Variants in NRXN3 observed in about 807,000 individuals in gnomAD.
NRXN3 encodes the protein neurexin 3.
NRXN3 carries 32 observed loss-of-function variants against 137.6 expected under a neutral mutation model. The observed-to-expected ratio is 0.23, with a 90% CI of 0.18 to 0.31. The LOEUF is 0.31. NRXN3 is among the 10% of genes least tolerant of loss of function. The pLI is 1.00. For missense variants in NRXN3, 1,574 were observed against 2,062.5 expected (o/e 0.76, Z 4.59); for synonymous variants, 798 against 784.5 (o/e 1.02, Z -0.29).
At chr14:79,644,348 C>T (rs1281390894) in intron 16 of NRXN3, among the ~76,000 whole-genome samples, 2 of 135,462 alleles carry the variant, frequency 1.5e-5, no homozygotes, top group East Asian at 3.9e-4. Flanking sequence ...GCTTGAAAGC[C>T]AGATCTGTCC....
At chr14:79,470,931 A>AGG (rs1464509919) in intron 16 of NRXN3, among the ~76,000 whole-genome samples, 1 of 91,436 alleles carries the variant, frequency 1.1e-5, no homozygotes, top group Admixed American at 1.4e-4. Flanking sequence ...AGAGAGAGAG[A>AGG]GAGAGAGAAA....
intron 10 of NRXN3, among the ~76,000 whole-genome samples, chr14:78,829,377 T>A (rs1389388085): frequency 1.3e-5 from 2 of 152,154 alleles, no homozygotes; most frequent in Admixed American, 6.5e-5. Flanking sequence ...AATCACACTG[T>A]TTGAACCATA....
At chr14:78,811,726 A>G (rs1332168383) in intron 10 of NRXN3, among the ~76,000 whole-genome samples, 1 of 152,202 alleles carries the variant, frequency 6.6e-6, no homozygotes, top group Non-Finnish European at 1.5e-5. Context: ...TGACAAACTA[A>G]TAAAGCCCAA....
At chr14:79,563,403 A>G (rs962692618) in intron 16 of NRXN3, among the ~76,000 whole-genome samples, 1 of 152,138 alleles carries the variant, frequency 6.6e-6, no homozygotes, top group African/African-American at 2.4e-5. Flanking sequence ...TTGTTGGTGT[A>G]AAGAGCAAGA....
At chr14:79,610,007 T>C (rs898543228) in intron 16 of NRXN3, among the ~76,000 whole-genome samples, 2 of 152,014 alleles carry the variant, frequency 1.3e-5, no homozygotes, top group African/African-American at 2.4e-5. Flanking sequence ...AGATTACGGG[T>C]TGATGGGTGC....
intron 3 of NRXN3, among the ~76,000 whole-genome samples, chr14:78,287,067 A>G (rs1216401352): frequency 6.6e-6 from 1 of 152,232 alleles, no homozygotes; most frequent in Admixed American, 6.5e-5. Flanking sequence ...ATCCAGGCTC[A>G]CTAAACTAGG....
chr14:79,587,128 A>G (rs1168878631), intron 16 of NRXN3, among the ~76,000 whole-genome samples: 1 of 152,176 alleles, frequency 6.6e-6, no homozygotes, highest in Non-Finnish European at 1.5e-5. Flanking sequence ...TTTTAAAGCT[A>G]TCCTCACTAC....
chr14:79,372,073 A>G (rs1461900371), intron 15 of NRXN3, among the ~76,000 whole-genome samples: 1 of 152,130 alleles, frequency 6.6e-6, no homozygotes, highest in African/African-American at 2.4e-5. Flanking sequence ...CAAAGCATTT[A>G]TATCCACACA....
chr14:78,194,273 C>A (rs1385073182), intron 1 of NRXN3, among the ~76,000 whole-genome samples: 1 of 152,154 alleles, frequency 6.6e-6, no homozygotes, highest in Non-Finnish European at 1.5e-5. Flanking sequence ...TTGACATTTA[C>A]CATGGAGGCT....
chr14:79,411,283 C>T (rs1390251232), intron 15 of NRXN3, among the ~76,000 whole-genome samples: 2 of 152,066 alleles, frequency 1.3e-5, no homozygotes, highest in Non-Finnish European at 2.9e-5. Context: ...AATCTGGCAA[C>T]ACTAAGTTTG....
At chr14:79,286,535 AATAT>A (rs111827205) in intron 15 of NRXN3, among the ~76,000 whole-genome samples, 1,822 of 139,644 alleles carry the variant, frequency 0.013, 44 homozygotes, top group African/African-American at 0.045. Flanking sequence ...TTGAGAGAAT[AATAT>A]ATATATATAT....
intron 15 of NRXN3, among the ~76,000 whole-genome samples, chr14:79,256,191 TCACA>T (rs796426390): frequency 6.7e-6 from 1 of 150,318 alleles, no homozygotes; most frequent in Non-Finnish European, 1.5e-5. Context: ...TCTCTCTCTC[TCACA>T]CACACACACA....
At chr14:78,225,820 A>C (rs2064478417) in intron 1 of NRXN3, among the ~76,000 whole-genome samples, 1 of 151,990 alleles carries the variant, frequency 6.6e-6, no homozygotes, top group African/African-American at 2.4e-5. Context: ...AAAACCATTC[A>C]TTCTTTAATC....
chr14:79,515,066 T>G lies in NRXN3; in HGVS notation c.3444+47664T>G, dbSNP rs530271270. On this transcript the variant is annotated intron_variant, in intron 16 of 20. Transcript: ENST00000335750. ...GAGAGATACTATCTGTGGCAGAGCC[T>G]CAGAGGATTGAGGGAGTTAAATGTA... 2.0e-5 allele frequency among the ~76,000 whole-genome samples: 3 copies of G among 150,676 alleles called. No homozygotes were observed. The East Asian group carries it at 5.8e-4, about 29-fold the overall frequency.
At chr14:78,178,874 C>T (rs552046958) in intron 1 of NRXN3, among the ~76,000 whole-genome samples, 6 of 152,256 alleles carry the variant, frequency 3.9e-5, no homozygotes, top group African/African-American at 1.4e-4. Context: ...ATTGGATCAT[C>T]TAAAACTGGG....
intron 17 of NRXN3, among the ~76,000 whole-genome samples, chr14:79,678,202 C>G (rs1289397814): frequency 6.6e-6 from 1 of 152,068 alleles, no homozygotes; most frequent in Non-Finnish European, 1.5e-5. Context: ...TTAAAGGGAC[C>G]AAGAGTTTGA....
At chr14:78,461,058 A>G (rs1436469094) in intron 4 of NRXN3, among the ~76,000 whole-genome samples, 1 of 152,248 alleles carries the variant, frequency 6.6e-6, no homozygotes, top group Non-Finnish European at 1.5e-5. Flanking sequence ...ATAAACTGAC[A>G]CATAGATTGT....
intron 19 of NRXN3, among the ~76,000 whole-genome samples, chr14:79,745,115 G>T (rs372637266): frequency 6.6e-6 from 1 of 151,884 alleles, no homozygotes; most frequent in Non-Finnish European, 1.5e-5. Flanking sequence ...GCAGAACTAG[G>T]GGAGAAATTA....
intron 4 of NRXN3, among the ~76,000 whole-genome samples, chr14:78,373,450 G>A (rs543931763): frequency 6.6e-6 from 1 of 152,274 alleles, no homozygotes; most frequent in Admixed American, 6.5e-5. Flanking sequence ...AAAACAGCTG[G>A]GTTTTGAATA....
Sources: gnomAD v4.1 joint callset for allele counts (sites outside exome capture counted in the v4.1 genomes callset) on GRCh38, gnomAD v4.1.1 for gene constraint, MANE v1.5 for transcripts, NCBI Gene and HGNC (gene_info 2026-07-23, HGNC 2026-07-21) for gene names.